Variants in DOCK1 observed in about 807,000 individuals in gnomAD.
DOCK1 encodes the protein dedicator of cytokinesis protein 1.
DOCK1 carries 138 observed loss-of-function variants against 262.7 expected under a neutral mutation model. That is an observed-to-expected ratio of 0.53 (90% CI 0.46 to 0.61). DOCK1 has a LOEUF of 0.61. Ranked by LOEUF, DOCK1 falls within the 20% of genes least tolerant of loss-of-function variation. The probability of loss-of-function intolerance (pLI) is 0.00; values close to 1 mark genes in which losing one functional copy is unlikely to be tolerated. For missense variants in DOCK1, 1,908 were observed against 2,370.7 expected (o/e 0.80, Z 4.05); for synonymous variants, 866 against 867.4 (o/e 1.00, Z 0.03).
Position 127,343,753 on chromosome 10 carries a change from T to C in DOCK1, c.3224+7T>C. 6.3e-7 allele frequency: 1 copy of C among 1,595,598 alleles called. No individual in the cohort carries two copies. The highest frequency in any genetic ancestry group is 1.3e-5 in the African/African-American group (1 of 74,786). On this transcript the variant is annotated splice_region_variant and intron_variant, in intron 31 of 51. Coordinates refer to ENST00000623213, the MANE Select transcript of DOCK1 (RefSeq NM_001290223.2). Reference sequence around the variant, plus strand: ...GAGCCAAAATCCTTAACAAGTAAGTTCTCATCTAGCTCTGAAACTGCAGGC... The same window carrying C: ...GAGCCAAAATCCTTAACAAGTAAGTCCTCATCTAGCTCTGAAACTGCAGGC...
chr10:126,966,728 A>G (rs2037705302), intron 1 of DOCK1, among the ~76,000 whole-genome samples: 3 of 152,168 alleles, frequency 2.0e-5, no homozygotes. Flanking sequence ...GCATGAGTGC[A>G]GCCTGTTAAT....
At chr10:127,173,814 C>G (rs1051188870) in intron 27 of DOCK1, among the ~76,000 whole-genome samples, 15 of 152,166 alleles carry the variant, frequency 9.9e-5, no homozygotes, top group Non-Finnish European at 2.2e-4. Flanking sequence ...GATGTAAACC[C>G]AAGATTGAAC....
At chr10:127,020,388 T>C (rs1259459458) in intron 13 of DOCK1, among the ~76,000 whole-genome samples, 3 of 152,094 alleles carry the variant, frequency 2.0e-5, no homozygotes, top group Admixed American at 6.5e-5. Flanking sequence ...TTATGATGGA[T>C]AGACTTAAAA....
At chr10:127,346,283 G>C (rs566249742) in intron 31 of DOCK1, among the ~76,000 whole-genome samples, 1 of 152,322 alleles carries the variant, frequency 6.6e-6, no homozygotes, top group East Asian at 1.9e-4. Context: ...TGAGCGTTAA[G>C]AGCCTAAGGC....
At chr10:127,439,372 C>A in intron 49 of DOCK1, 147 bp downstream of exon 49, 1 of 772,092 alleles carries the variant, frequency 1.3e-6, no homozygotes, top group Non-Finnish European at 2.0e-6. Context: ...CCTCCCCTAA[C>A]CTCAAATGTC....
chr10:127,439,449 C>G (rs950304530), intron 49 of DOCK1, among the ~76,000 whole-genome samples: 1 of 152,198 alleles, frequency 6.6e-6, no homozygotes, highest in African/African-American at 2.4e-5. Context: ...ATTTGTCCCC[C>G]TTCCGCAGGG....
At chr10:126,912,361 C>A (rs1214074118) in intron 1 of DOCK1, among the ~76,000 whole-genome samples, 1 of 149,720 alleles carries the variant, frequency 6.7e-6, no homozygotes, top group Admixed American at 6.7e-5. Flanking sequence ...ACCTCGGAGG[C>A]GGAGGTTGCA....
intron 27 of DOCK1, among the ~76,000 whole-genome samples, chr10:127,161,293 A>G (rs2053572329): frequency 6.6e-6 from 1 of 152,212 alleles, no homozygotes; most frequent in Non-Finnish European, 1.5e-5. Context: ...CTAAAAGAAT[A>G]TGAAGTTGAT....
intron 27 of DOCK1, among the ~76,000 whole-genome samples, chr10:127,224,121 A>G (rs2058546192): frequency 6.6e-6 from 1 of 152,162 alleles, no homozygotes; most frequent in African/African-American, 2.4e-5. Flanking sequence ...CTCTTTCTTA[A>G]AATTCATTTA....
intron 16 of DOCK1, 24 bp from the exon 17 acceptor site, chr10:127,031,626 A>AT (rs1041610834): frequency 1.9e-6 from 3 of 1,571,714 alleles, no homozygotes; most frequent in Non-Finnish European, 2.6e-6. Flanking sequence ...GCAATCATCA[A>AT]TTTTTTTGTT....
At chr10:127,072,867 C>A (rs2046312579) in intron 23 of DOCK1, among the ~76,000 whole-genome samples, 1 of 152,166 alleles carries the variant, frequency 6.6e-6, no homozygotes, top group Non-Finnish European at 1.5e-5. Flanking sequence ...ATAGCTGACT[C>A]ATTGATGGAA....
At chr10:127,036,981 G>GAAAAAAAAAAAAAAAAA (rs11429952) in intron 18 of DOCK1, among the ~76,000 whole-genome samples, 2 of 128,036 alleles carry the variant, frequency 1.6e-5, no homozygotes, top group Non-Finnish European at 3.2e-5. Context: ...CCATCTCAAG[G>GAAAAAAAAAAAAAAAAA]AAAAAAAAAA....
chr10:127,417,272 A>C (rs773365484), intron 44 of DOCK1, among the ~76,000 whole-genome samples: 3 of 152,210 alleles, frequency 2.0e-5, no homozygotes, highest in Non-Finnish European at 1.5e-5. Context: ...GGTCTGCTCA[A>C]GCAAGACCTC....
intron 29 of DOCK1, among the ~76,000 whole-genome samples, chr10:127,276,644 C>G (rs1343036526): frequency 6.6e-6 from 1 of 152,070 alleles, no homozygotes; most frequent in Admixed American, 6.6e-5. Context: ...ATCTTTTTTC[C>G]ATTTTGTTTA....
intron 38 of DOCK1, among the ~76,000 whole-genome samples, chr10:127,386,782 A>G (rs74866888): frequency 7.4e-4 from 113 of 152,292 alleles, no homozygotes; most frequent in African/African-American, 2.6e-3. Flanking sequence ...ACCCCGGTCC[A>G]TGGAAAAATT....
At chr10:127,436,859 T>C (rs7071660) in intron 48 of DOCK1, among the ~76,000 whole-genome samples, 1 of 151,564 alleles carries the variant, frequency 6.6e-6, no homozygotes, top group Non-Finnish European at 1.5e-5. Flanking sequence ...TTTTTTAGTT[T>C]GAGGCAAAAT....
chr10:127,036,552 C>G (rs1445664446), intron 18 of DOCK1, among the ~76,000 whole-genome samples: 1 of 151,700 alleles, frequency 6.6e-6, no homozygotes, highest in Non-Finnish European at 1.5e-5. Context: ...ATGAGCATAA[C>G]GGTAAATTAG....
intron 19 of DOCK1, among the ~76,000 whole-genome samples, chr10:127,038,563 C>G (rs1386328532): frequency 6.6e-6 from 1 of 152,142 alleles, no homozygotes; most frequent in Non-Finnish European, 1.5e-5. Flanking sequence ...CCTGAGATCC[C>G]CTTTAAGTGA....
At chr10:126,906,491 G>T (rs1220687388) in intron 1 of DOCK1, among the ~76,000 whole-genome samples, 1 of 152,202 alleles carries the variant, frequency 6.6e-6, no homozygotes, top group Non-Finnish European at 1.5e-5. Flanking sequence ...GATCTTCCCA[G>T]TTGGTTTTCG....
Sources: gnomAD v4.1 joint callset for allele counts (sites outside exome capture counted in the v4.1 genomes callset) on GRCh38, gnomAD v4.1.1 for gene constraint, MANE v1.5 for transcripts, NCBI Gene and HGNC (gene_info 2026-07-23, HGNC 2026-07-21) for gene names.